Variants in SEMA5B observed in about 807,000 individuals in gnomAD.
SEMA5B encodes the protein semaphorin 5B.
SEMA5B carries 66 observed loss-of-function variants against 135.0 expected under a neutral mutation model. The ratio of observed to expected loss-of-function variants is 0.49; its 90% CI spans 0.40 to 0.60. SEMA5B has a LOEUF of 0.60. Ranked by LOEUF, SEMA5B falls within the 20% of genes least tolerant of loss-of-function variation. The probability of loss-of-function intolerance (pLI) is 0.00; values close to 1 mark genes in which losing one functional copy is unlikely to be tolerated. For missense variants in SEMA5B, 1,501 were observed against 1,566.3 expected (o/e 0.96, Z 0.70); for synonymous variants, 690 against 639.5 (o/e 1.08, Z -1.19).
At chr3:122,964,008 C>T (rs769466047) in intron 1 of SEMA5B, among the ~76,000 whole-genome samples, 5 of 152,110 alleles carry the variant, frequency 3.3e-5, no homozygotes, top group Non-Finnish European at 5.9e-5. Flanking sequence ...CCACTAGCTC[C>T]GCAGATTGCC....
At chr3:122,973,412 A>T (rs891882026) in intron 1 of SEMA5B, among the ~76,000 whole-genome samples, 6 of 152,110 alleles carry the variant, frequency 3.9e-5, no homozygotes, top group Non-Finnish European at 8.8e-5. Flanking sequence ...CCCCAAGATG[A>T]GTGGGGTCCA....
intron 1 of SEMA5B, among the ~76,000 whole-genome samples, chr3:122,972,963 C>A (rs956222392): frequency 5.3e-5 from 8 of 152,220 alleles, no homozygotes; most frequent in Non-Finnish European, 1.0e-4. Context: ...ATGGCTCACA[C>A]TGGATAAGGT....
In SEMA5B at chr3:122,956,610, A is replaced by T. The variant is rs530097421; in HGVS notation, c.124+4530T>A. Among the ~76,000 whole-genome samples, 506 of 152,174 alleles carry T rather than the reference A, an allele frequency of 3.3e-3. 2 individuals carry two copies. Among genetic ancestry groups the T allele is most frequent in the Non-Finnish European group, 5.3e-3 (362 of 67,990 alleles). ...GCTAAGAGAGTGTGTATCAGAGCTG[A>T]ATTCCCCCACAGAGCGCAAACCAGT... is the stretch of plus-strand genomic sequence containing the variant. On this transcript the variant is annotated intron_variant, in intron 2 of 22. Coordinates refer to ENST00000357599, the MANE Select transcript of SEMA5B (RefSeq NM_001031702.4).
Position 123,013,777 on chromosome 3 carries a change from C to T in SEMA5B, c.-39+13687G>A, listed in dbSNP as rs116424672. On this transcript the variant is annotated intron_variant, in intron 1 of 22. Transcript: ENST00000357599. The stretch of plus-strand genomic sequence containing the variant: ...CATCTTCACTTATGTGCTTTCCCCA[C>T]GGAGTCAAAGAGCCAGAATAGAAAG... 8.2e-3 allele frequency among the ~76,000 whole-genome samples: 1,254 copies of T among 152,306 alleles called. 14 individuals are homozygous for T. The highest frequency in any genetic ancestry group is 0.028 in the African/African-American group (1,168 of 41,554).
At chr3:122,928,066 A>G (rs1938743871) in intron 7 of SEMA5B, 63 bp from the exon 8 acceptor site, 2 of 1,271,408 alleles carry the variant, frequency 1.6e-6, no homozygotes, top group Non-Finnish European at 2.1e-6. Flanking sequence ...TGTTCTTTCC[A>G]TCTGAGTTTT....
At chr3:122,928,656 G>T in intron 6 of SEMA5B, 41 bp from the exon 7 acceptor site, 2 of 1,413,602 alleles carry the variant, frequency 1.4e-6, no homozygotes, top group Non-Finnish European at 2.0e-6. Context: ...CAGCTCTCCA[G>T]GTGCGATGCT....
chr3:122,968,671 G>T (rs914873826), intron 1 of SEMA5B, among the ~76,000 whole-genome samples: 3 of 152,124 alleles, frequency 2.0e-5, no homozygotes, highest in Non-Finnish European at 4.4e-5. Flanking sequence ...GGCATCTGAG[G>T]TCATCCTGTC....
chr3:122,981,190 TC>T (rs1035039035), intron 1 of SEMA5B, among the ~76,000 whole-genome samples: 3 of 152,212 alleles, frequency 2.0e-5, no homozygotes, highest in African/African-American at 7.2e-5. Context: ...CTGCCCTCCC[TC>T]CCTTTAGGAT....
intron 1 of SEMA5B, among the ~76,000 whole-genome samples, chr3:122,995,192 G>A (rs1183168461): frequency 3.9e-5 from 6 of 152,286 alleles, no homozygotes; most frequent in Admixed American, 2.6e-4. Flanking sequence ...TGGTGGGGGT[G>A]GAGAGAGCTG....
chr3:122,943,074 CT>C (rs1276338623), intron 4 of SEMA5B, among the ~76,000 whole-genome samples: 1 of 152,204 alleles, frequency 6.6e-6, no homozygotes, highest in Non-Finnish European at 1.5e-5. Context: ...CAGGGGGCCC[CT>C]GGGCACCTTC....
At chr3:122,951,653 G>C (rs1338242173) in intron 2 of SEMA5B, among the ~76,000 whole-genome samples, 1 of 152,202 alleles carries the variant, frequency 6.6e-6, no homozygotes, top group Non-Finnish European at 1.5e-5. Context: ...GAAATGAAAG[G>C]TTGAACTAGA....
intron 12 of SEMA5B, among the ~76,000 whole-genome samples, chr3:122,918,993 C>CTTTTTTTTTTTTTTTTT: frequency 1.2e-5 from 1 of 80,362 alleles, no homozygotes; most frequent in Non-Finnish European, 2.6e-5. Flanking sequence ...ATCACCATGT[C>CTTTTTTTTTTTTTTTTT]TTTTTTTTTT....
chr3:122,931,002 G>A (rs1938942278), intron 5 of SEMA5B, among the ~76,000 whole-genome samples: 1 of 151,340 alleles, frequency 6.6e-6, no homozygotes, highest in Non-Finnish European at 1.5e-5. Context: ...GGTTTATAGA[G>A]AGAACAGCAC....
Position 122,940,318 on chromosome 3 carries a change from C to T in SEMA5B, c.429-848G>A, listed in dbSNP as rs569966426. 5.3e-5 allele frequency among the ~76,000 whole-genome samples: 8 copies of T among 152,316 alleles called. No individual in the cohort carries two copies. The East Asian group carries it at 1.5e-3, about 29-fold the overall frequency. ...ACAGACAGGGAGAATTCCAGCTCAG[C>T]CACCTGCCACCTTCTGAGAGTCTCA... On this transcript the variant is annotated intron_variant, in intron 4 of 22. Coordinates refer to ENST00000357599, the MANE Select transcript of SEMA5B (RefSeq NM_001031702.4).
At position 122,912,209 on chromosome 3, in the gene SEMA5B, G is replaced by A. The variant is rs1937763968; in HGVS notation, c.2859C>T (p.His953=). The A allele has an allele frequency of 3.1e-6, 5 of 1,604,958 alleles. No homozygotes were observed. In the South Asian group the frequency reaches 5.6e-5, roughly 18 times the overall value. The change falls in exon 19 of 23, where the codon CAC becomes CAT. Residue 953 remains histidine (H), a synonymous_variant. Coordinates refer to ENST00000357599, the MANE Select transcript of SEMA5B (RefSeq NM_001031702.4). ...SPGEDICLGL[H]TEEALCATQA... is the part of the protein sequence containing the mutation. The stretch of plus-strand genomic sequence containing the variant: ...GTGTGGCACATAGTGCCTCCTCCGT[G>A]TGCAGCCCGAGACAGATGTCCTCAC...
intron 5 of SEMA5B, among the ~76,000 whole-genome samples, chr3:122,936,325 A>G (rs1451675451): frequency 6.6e-6 from 1 of 152,190 alleles, no homozygotes; most frequent in Non-Finnish European, 1.5e-5. Context: ...CAATGGCTGA[A>G]TGTCAACGCA....
intron 1 of SEMA5B, among the ~76,000 whole-genome samples, chr3:123,020,828 G>A (rs757656734): frequency 5.3e-5 from 8 of 152,182 alleles, no homozygotes; most frequent in South Asian, 2.1e-4. Context: ...GCTGGACCAA[G>A]CCACGGTTAC....
In SEMA5B at chr3:122,912,859, G is replaced by C. The variant is rs765664100; in HGVS notation, c.2709C>G (p.Asn903Lys). ...VGDAAEYQDC[N>K]PQACPVRGAW... is the part of the protein sequence containing the mutation. Reference sequence around the variant, plus strand: ...CAGGGTTACCTGGGCAAGCCTGGGGGTTGCAGTCCTGGTACTCGGCAGCAT... The same window carrying C: ...CAGGGTTACCTGGGCAAGCCTGGGGCTTGCAGTCCTGGTACTCGGCAGCAT... The change falls in exon 18 of 23, where the codon AAC becomes AAG. Residue 903 changes from asparagine (N) to lysine (K), a missense_variant. Asn to Lys is a moderately conservative substitution (Grantham distance 94). This residue lies in a region of SEMA5B where 927 missense variants were observed against 881.6 expected (regional missense o/e 1.05). Coordinates refer to ENST00000357599, the MANE Select transcript of SEMA5B (RefSeq NM_001031702.4). 1 of 1,589,866 alleles carries C rather than the reference G, an allele frequency of 6.3e-7. No individual in the cohort carries two copies. Among genetic ancestry groups the C allele is most frequent in the South Asian group, 1.1e-5 (1 of 88,528 alleles).
At chr3:123,026,592 C>T (rs928454118) in intron 1 of SEMA5B, among the ~76,000 whole-genome samples, 4 of 152,134 alleles carry the variant, frequency 2.6e-5, no homozygotes, top group Non-Finnish European at 4.4e-5. Context: ...GTCCGGCGAC[C>T]ACTTCCCTCT....
Sources: gnomAD v4.1 joint callset for allele counts (sites outside exome capture counted in the v4.1 genomes callset) on GRCh38, gnomAD v4.1.1 for gene constraint, gnomAD v4.1.1 regional missense constraint, MANE v1.5 for transcripts, NCBI Gene and HGNC (gene_info 2026-07-23, HGNC 2026-07-21) for gene names.